Variants in KDM4C observed in about 807,000 individuals in gnomAD.
KDM4C encodes the protein lysine demethylase 4C.
In KDM4C, 81 loss-of-function variants were observed where a neutral mutation model predicts 129.3. The ratio of observed to expected loss-of-function variants is 0.63; its 90% confidence interval spans 0.52 to 0.75. The LOEUF is 0.75. Ranked by LOEUF, KDM4C falls within the 30% of genes least tolerant of loss-of-function variation. The pLI is 0.00. For synonymous variants in KDM4C, 573 were observed against 456.1 expected (o/e 1.26, Z -3.26); for missense variants, 1,457 against 1,304.0 (o/e 1.12, Z -1.81).
intron 2 of KDM4C, among the ~76,000 whole-genome samples, chr9:6,800,149 C>G (rs899627878): frequency 2.0e-5 from 3 of 152,192 alleles, no homozygotes; most frequent in Non-Finnish European, 4.4e-5. Context: ...GGGTGGATCA[C>G]TTGAGGCCAG....
chr9:6,950,165 G>A (rs4742273), intron 8 of KDM4C, among the ~76,000 whole-genome samples: 112,319 of 150,998 alleles, frequency 0.74, 42,208 homozygotes, highest in East Asian at 1. Context: ...GTTTTGAGAT[G>A]CATAAATATT....
At position 6,984,348 on chromosome 9, in the gene KDM4C, C is replaced by T. The variant is rs144642995; in HGVS notation, c.1298C>T (p.Ser433Leu). ...RNTEASSEEESSASRMQVEQN... is the reference protein window; with the variant it reads ...RNTEASSEEELSASRMQVEQN... ...ACAGAAGCATCTTCAGAAGAAGAGT[C>T]ATCTGCTAGCAGGATGCAGGTGGAG... The change falls in exon 10 of 22, where the codon TCA becomes TTA. Residue 433 changes from serine (S) to leucine (L), a missense_variant. By Grantham distance (145) the Ser-to-Leu change is moderately radical. Coordinates refer to ENST00000381309, the MANE Select transcript of KDM4C (RefSeq NM_015061.6). The T allele has an allele frequency of 3.7e-6, 6 of 1,613,960 alleles. No individual in the cohort carries two copies. In the East Asian group the frequency reaches 1.1e-4, roughly 30 times the overall value.
chr9:7,105,793 C>T (rs995058655), intron 18 of KDM4C, among the ~76,000 whole-genome samples: 1 of 152,104 alleles, frequency 6.6e-6, no homozygotes, highest in Non-Finnish European at 1.5e-5. Context: ...TAATCAGGAC[C>T]TCATTCCTCT....
At chr9:6,976,596 A>C (rs772402668) in intron 8 of KDM4C, among the ~76,000 whole-genome samples, 1 of 152,160 alleles carries the variant, frequency 6.6e-6, no homozygotes, top group African/African-American at 2.4e-5. Flanking sequence ...TTTGTGTTGG[A>C]TAGAATATAG....
intron 12 of KDM4C, among the ~76,000 whole-genome samples, chr9:6,993,628 G>T (rs751844440): frequency 6.6e-6 from 1 of 152,162 alleles, no homozygotes; most frequent in Non-Finnish European, 1.5e-5. Context: ...TGAAGTGCAT[G>T]GGTGAACTAT....
chr9:6,953,401 G>A (rs1828527389), intron 8 of KDM4C, among the ~76,000 whole-genome samples: 2 of 152,246 alleles, frequency 1.3e-5, no homozygotes, highest in South Asian at 4.2e-4. Flanking sequence ...AATTAACTTG[G>A]CTGTTTGCAT....
chr9:6,813,879 G>T (rs1831608324), intron 3 of KDM4C, among the ~76,000 whole-genome samples: 2 of 152,076 alleles, frequency 1.3e-5, no homozygotes, highest in Admixed American at 6.5e-5. Flanking sequence ...TTTGATGTCA[G>T]TATCTTGAAA....
intron 17 of KDM4C, among the ~76,000 whole-genome samples, chr9:7,058,128 A>T (rs1279886764): frequency 1.3e-5 from 2 of 152,096 alleles, no homozygotes; most frequent in Non-Finnish European, 2.9e-5. Context: ...AGGCATTGGG[A>T]TTCTTTCAAA....
intron 1 of KDM4C, among the ~76,000 whole-genome samples, chr9:6,746,799 G>T (rs1216974709): frequency 6.7e-6 from 1 of 149,540 alleles, no homozygotes; most frequent in African/African-American, 2.4e-5. Context: ...ACGAGGTCAG[G>T]AGATCGAGAC....
chr9:6,760,517 ATAGT>A (rs1401331050), intron 1 of KDM4C, among the ~76,000 whole-genome samples: 5 of 149,952 alleles, frequency 3.3e-5, no homozygotes, highest in Admixed American at 6.7e-5. Flanking sequence ...GTAAGGAGGG[ATAGT>A]TAGTCTTGGG....
intron 5 of KDM4C, among the ~76,000 whole-genome samples, chr9:6,876,505 C>T (rs1035550440): frequency 2.0e-5 from 3 of 152,162 alleles, no homozygotes; most frequent in Non-Finnish European, 4.4e-5. Flanking sequence ...TCCCCTCTAC[C>T]GAGGAAGCTG....
chr9:6,845,360 G>A (rs553509664), intron 4 of KDM4C, among the ~76,000 whole-genome samples: 4 of 152,120 alleles, frequency 2.6e-5, no homozygotes, highest in African/African-American at 4.8e-5. Flanking sequence ...GATTACAGGC[G>A]TGAGGCACCA....
chr9:7,162,407 T>A (rs1843898445), intron 19 of KDM4C, among the ~76,000 whole-genome samples: 7 of 152,212 alleles, frequency 4.6e-5, no homozygotes. Flanking sequence ...GCACTGCCAA[T>A]GCTGGATTAA....
At chr9:6,888,239 T>C (rs1845577875) in intron 7 of KDM4C, among the ~76,000 whole-genome samples, 176 bp downstream of exon 7, 1 of 152,220 alleles carries the variant, frequency 6.6e-6, no homozygotes, top group South Asian at 2.1e-4. Context: ...TAATTTTATT[T>C]CAAATATATT....
intron 9 of KDM4C, 134 bp downstream of exon 9, chr9:6,981,252 CATT>C: frequency 1.6e-6 from 1 of 643,852 alleles, no homozygotes; most frequent in South Asian, 2.5e-5. Flanking sequence ...AAATGTGAGA[CATT>C]ATTTTTAATT....
chr9:6,890,584 A>G (rs1057236694), intron 7 of KDM4C, among the ~76,000 whole-genome samples: 21 of 151,744 alleles, frequency 1.4e-4, no homozygotes, highest in African/African-American at 4.8e-4. Flanking sequence ...TTTGGAAATG[A>G]CAGGGGCCTA....
intron 5 of KDM4C, among the ~76,000 whole-genome samples, chr9:6,870,427 A>G (rs1211654020): frequency 6.6e-6 from 1 of 152,124 alleles, no homozygotes; most frequent in Non-Finnish European, 1.5e-5. Flanking sequence ...CAGCTCTGTC[A>G]TCACTTTGCT....
intron 4 of KDM4C, among the ~76,000 whole-genome samples, chr9:6,847,453 C>T (rs1838041019): frequency 1.3e-5 from 2 of 151,968 alleles, no homozygotes; most frequent in East Asian, 1.9e-4. Context: ...GGCTGGAGTG[C>T]AGTGGCACGA....
intron 20 of KDM4C, among the ~76,000 whole-genome samples, chr9:7,167,896 G>A (rs1441395483): frequency 6.6e-6 from 1 of 152,188 alleles, no homozygotes; most frequent in Non-Finnish European, 1.5e-5. Flanking sequence ...TAAACAATAA[G>A]TGTAGCTGGG....
Sources: allele counts gnomAD v4.1 joint callset (sites outside exome capture counted in the v4.1 genomes callset), GRCh38; gene constraint gnomAD v4.1.1; transcripts MANE v1.5; gene names NCBI Gene and HGNC (gene_info 2026-07-23, HGNC 2026-07-21).